KCNQ1: variants seen among roughly 807,000 people sequenced by gnomAD.
KCNQ1 encodes the protein potassium voltage-gated channel subfamily Q member 1.
KCNQ1 carries 49 observed loss-of-function variants against 72.4 expected under a neutral mutation model. The observed-to-expected ratio is 0.68, with a 90% CI of 0.54 to 0.86. KCNQ1 has a LOEUF of 0.86. KCNQ1 is among the 40% of genes least tolerant of loss of function. The pLI is 0.00. For missense variants in KCNQ1, 790 were observed against 945.1 expected (o/e 0.84, Z 2.15); for synonymous variants, 450 against 412.6 (o/e 1.09, Z -1.10).
At position 2,659,041 on chromosome 11, in the gene KCNQ1, A is replaced by G. The variant is rs1849902849; in HGVS notation, c.1394-2920A>G. On this transcript the variant is annotated intron_variant, in intron 10 of 15. Coordinates refer to ENST00000155840, the MANE Select transcript of KCNQ1 (RefSeq NM_000218.3). The surrounding 1 kb of genome is among the most constrained non-coding windows in gnomAD (Gnocchi z 4.3). ...CTCCTCCTCCTTTCCTTTCACTGCT[A>G]TGTCATTTGTTTGTAACACGCTCAT... is the stretch of plus-strand genomic sequence containing the variant. The G allele has an allele frequency of 2.5e-6, 1 of 398,392 alleles. No homozygotes were observed. Among genetic ancestry groups the G allele is most frequent in the African/African-American group, 2.1e-5 (1 of 48,584 alleles). 24.7% of individuals were successfully genotyped at this position (398,392 alleles called of 1,614,324 possible).
chr11:2,548,067 C>T (rs1436309458), intron 2 of KCNQ1, among the ~76,000 whole-genome samples: 1 of 152,154 alleles, frequency 6.6e-6, no homozygotes, highest in Non-Finnish European at 1.5e-5. Flanking sequence ...CTCTGCATGA[C>T]AGGAGCCTGG....
intron 10 of KCNQ1, chr11:2,622,715 A>G (rs1849195239): frequency 5.0e-6 from 2 of 398,360 alleles, no homozygotes; most frequent in Admixed American, 4.4e-5. Flanking sequence ...TGTGTATTTT[A>G]AAGACTTTAT....
Position 2,602,652 on chromosome 11 carries a change from T to C in KCNQ1, c.1393+13798T>C, listed in dbSNP as rs1436548800. On this transcript the variant is annotated intron_variant, in intron 10 of 15. Transcript: ENST00000155840. This position sits in a 1 kb window ranked among gnomAD's most constrained non-coding sequence, Gnocchi z 4.8. ...TGTGTAGTGAGATCTCATTGTGGTT[T>C]ACATTTACATTTCCTCATTAGGATG... Among the ~76,000 whole-genome samples, 1 of 152,256 alleles carries C rather than the reference T, an allele frequency of 6.6e-6. No individual in the cohort carries two copies. The highest frequency in any genetic ancestry group is 1.5e-5 in the Non-Finnish European group (1 of 68,040).
chr11:2,519,520 T>C (rs1402102013), intron 1 of KCNQ1, among the ~76,000 whole-genome samples: 1 of 152,124 alleles, frequency 6.6e-6, no homozygotes, highest in Non-Finnish European at 1.5e-5. Context: ...TTTGGGAGAC[T>C]GAGTTGGGAG....
chr11:2,587,189 C>A (rs1848603797), intron 8 of KCNQ1, among the ~76,000 whole-genome samples: 1 of 152,206 alleles, frequency 6.6e-6, no homozygotes, highest in Non-Finnish European at 1.5e-5. Flanking sequence ...CACTGGTTGC[C>A]CATTTCCGCA....
In KCNQ1 at chr11:2,570,833, A is replaced by G; in HGVS notation, c.604+79A>G. ...ACCCCCACCTCATGACCCCTACCAGATGGAGTCCCCTAAGGACTGGGGAAC... is the reference window on the plus strand; with the variant it reads ...ACCCCCACCTCATGACCCCTACCAGGTGGAGTCCCCTAAGGACTGGGGAAC... On this transcript the variant is annotated intron_variant, in intron 3 of 15. Transcript: ENST00000155840. 1.9e-6 allele frequency: 3 copies of G among 1,587,694 alleles called. No individual in the cohort carries two copies. In the South Asian group the frequency reaches 3.3e-5, roughly 18 times the overall value.
rs754365669 is a variant in KCNQ1 at position 2,550,520 on chromosome 11, G to C, written c.478-20108G>C. 6.6e-6 allele frequency among the ~76,000 whole-genome samples: 1 copy of C among 152,224 alleles called. No individual in the cohort carries two copies. Among genetic ancestry groups the C allele is most frequent in the Admixed American group, 6.5e-5 (1 of 15,286 alleles). On this transcript the variant is annotated intron_variant, in intron 2 of 15. Transcript: ENST00000155840. This position sits in a 1 kb window ranked among gnomAD's most constrained non-coding sequence, Gnocchi z 6.0. ...GCCAAGGGCACTGCCCGCCCTGGGA[G>C]CTGATGCCTGACATGCATCCTCGCC...
chr11:2,826,292 G>A lies in KCNQ1; in HGVS notation c.1795-21475G>A, dbSNP rs1374604670. Among the ~76,000 whole-genome samples the A allele has an allele frequency of 2.6e-5, 4 of 152,204 alleles. No homozygotes were observed. Among genetic ancestry groups the A allele is most frequent in the Admixed American group, 6.5e-5 (1 of 15,288 alleles). On this transcript the variant is annotated intron_variant, in intron 15 of 15. Transcript: ENST00000155840. The surrounding 1 kb of genome is among the most constrained non-coding windows in gnomAD (Gnocchi z 4.2). ...CTTTGAAAAATGAAGAAATTGAGCCGGGGTTGGGGGCGGGGAGGGCAGGTT... is the reference window on the plus strand; with the variant it reads ...CTTTGAAAAATGAAGAAATTGAGCCAGGGTTGGGGGCGGGGAGGGCAGGTT...
intron 10 of KCNQ1, chr11:2,656,002 T>A (rs1590010611): frequency 1.8e-5 from 7 of 398,608 alleles, no homozygotes; most frequent in African/African-American, 4.1e-5. Flanking sequence ...CATTTTAATT[T>A]CCTAAAACAC....
chr11:2,848,788 A>G lies in KCNQ1; in HGVS notation c.*785A>G, dbSNP rs1848397006. 8.8e-6 allele frequency: 4 copies of G among 453,962 alleles called. No individual in the cohort carries two copies. The highest frequency in any genetic ancestry group is 1.8e-5 in the Non-Finnish European group (4 of 226,774). The allele number at this position is 453,962 out of a possible 1,614,324, so 28.1% of individuals were successfully genotyped here. A position where few individuals can be genotyped will look rare whatever the true frequency, so the allele number is the denominator to read the frequency against. On this transcript the variant is annotated 3_prime_UTR_variant, in exon 16 of 16. Transcript: ENST00000155840. ...AGTCCCAGCAGCCAGCCAAACACAC[A>G]GAAGGGGACTGCCACCTCCCCTTGC...
chr11:2,613,670 A>C lies in KCNQ1; in HGVS notation c.1393+24816A>C. ...ATCAAGGTGCTCATTCCACCACCTCAGAAGTGGTCCCTATCTTGTTAATTT... is the reference window on the plus strand; with the variant it reads ...ATCAAGGTGCTCATTCCACCACCTCCGAAGTGGTCCCTATCTTGTTAATTT... On this transcript the variant is annotated intron_variant, in intron 10 of 15. Transcript: ENST00000155840. The surrounding 1 kb of genome is among the most constrained non-coding windows in gnomAD (Gnocchi z 4.8). 1 of 398,608 alleles carries C rather than the reference A, an allele frequency of 2.5e-6. No individual in the cohort carries two copies. The highest frequency in any genetic ancestry group is 4.4e-6 in the Non-Finnish European group (1 of 226,060). The allele number at this position is 398,608 out of a possible 1,614,324, so 24.7% of individuals were successfully genotyped here.
At chr11:2,533,978 C>A (rs1847685592) in intron 2 of KCNQ1, among the ~76,000 whole-genome samples, 1 of 152,232 alleles carries the variant, frequency 6.6e-6, no homozygotes, top group South Asian at 2.1e-4. Flanking sequence ...GTCATCGCTG[C>A]GGCTTCCTCC....
At chr11:2,761,129 G>C (rs1476610013) in intron 11 of KCNQ1, among the ~76,000 whole-genome samples, 1 of 152,220 alleles carries the variant, frequency 6.6e-6, no homozygotes, top group Non-Finnish European at 1.5e-5. Flanking sequence ...GTAGCTCTCA[G>C]CAGATGGGGG....
In KCNQ1 at chr11:2,608,861, C is replaced by T. The variant is rs1292357011; in HGVS notation, c.1393+20007C>T. The T allele has an allele frequency of 2.5e-6, 1 of 398,444 alleles. No individual in the cohort carries two copies. 24.7% of individuals were successfully genotyped at this position (398,444 alleles called of 1,614,324 possible). A position where few individuals can be genotyped will look rare whatever the true frequency, so the allele number is the denominator to read the frequency against. ...AGTAATTTGAGTTTTCTCTCTCCCC[C>T]TTTGCCTCATGCACTTCCCTCTCTG... On this transcript the variant is annotated intron_variant, in intron 10 of 15. Transcript: ENST00000155840. The surrounding 1 kb of genome is among the most constrained non-coding windows in gnomAD (Gnocchi z 4.6).
Position 2,766,356 on chromosome 11 carries a change from G to T in KCNQ1, c.1515-2488G>T, listed in dbSNP as rs569069883. Among the ~76,000 whole-genome samples the T allele has an allele frequency of 3.3e-5, 5 of 152,198 alleles. No individual in the cohort carries two copies. Among genetic ancestry groups the T allele is most frequent in the Admixed American group, 6.5e-5 (1 of 15,284 alleles). On this transcript the variant is annotated intron_variant, in intron 11 of 15. Transcript: ENST00000155840. This position sits in a 1 kb window ranked among gnomAD's most constrained non-coding sequence, Gnocchi z 4.4. Reference sequence around the variant, plus strand: ...TGGTGGTGGCTGAGTGGTCTCTGTTGTCCTCACGTGTCTGGAGCCACTGGG... The same window carrying T: ...TGGTGGTGGCTGAGTGGTCTCTGTTTTCCTCACGTGTCTGGAGCCACTGGG...
chr11:2,484,091 A>G lies in KCNQ1; in HGVS notation c.386+38607A>G, dbSNP rs1438944162. Among the ~76,000 whole-genome samples the G allele has an allele frequency of 2.6e-5, 4 of 152,200 alleles. No homozygotes were observed. Among genetic ancestry groups the G allele is most frequent in the African/African-American group, 4.8e-5 (2 of 41,442 alleles). On this transcript the variant is annotated intron_variant, in intron 1 of 15. Transcript: ENST00000155840. This position sits in a 1 kb window ranked among gnomAD's most constrained non-coding sequence, Gnocchi z 5.2. The stretch of plus-strand genomic sequence containing the variant: ...TGGTTATGTATCCAGTGGCTTATGT[A>G]TATCAGCATGGTTTCATAGATACTT...
intron 10 of KCNQ1, chr11:2,629,428 C>G (rs1264115493): frequency 2.5e-6 from 1 of 398,364 alleles, no homozygotes; most frequent in Admixed American, 4.4e-5. Flanking sequence ...GCAGTTTTTG[C>G]CCCATGTTTT....
At chr11:2,641,625 A>G (rs991770703) in intron 10 of KCNQ1, 4 of 398,276 alleles carry the variant, frequency 1.0e-5, no homozygotes, top group African/African-American at 8.2e-5. Context: ...TGTTGTGTAC[A>G]AGCTTTATCA....
chr11:2,666,933 CCT>C, intron 11 of KCNQ1: 2 of 398,698 alleles, frequency 5.0e-6, no homozygotes, highest in Non-Finnish European at 4.4e-6. Context: ...CTCCAGACCA[CCT>C]CTGTCTGCAC....
Sources: allele counts gnomAD v4.1 joint callset (sites outside exome capture counted in the v4.1 genomes callset), GRCh38; gene constraint gnomAD v4.1.1; non-coding constraint Gnocchi (gnomAD v3.1); transcripts MANE v1.5; gene names NCBI Gene and HGNC (gene_info 2026-07-23, HGNC 2026-07-21).